FRMPD4: variants seen among roughly 807,000 people sequenced by gnomAD.
The protein encoded by FRMPD4 is FERM and PDZ domain containing 4, also known as FERM and PDZ domain-containing protein 4.
Under a neutral mutation model 94.1 loss-of-function variants are expected in FRMPD4, and 22 were observed. That is an observed-to-expected ratio of 0.23 (90% CI 0.17 to 0.33). The LOEUF (loss-of-function observed/expected upper bound fraction) is 0.33, where lower values mean the gene tolerates loss of function less well. Among genes scored for constraint, FRMPD4 ranks in the 10% least tolerant of loss-of-function variants. The pLI is 1.00. For missense variants in FRMPD4, 1,111 were observed against 1,339.9 expected (o/e 0.83, Z 2.67); for synonymous variants, 631 against 548.6 (o/e 1.15, Z -2.10).
At chrX:11,964,147 GC>G (rs900043019) in intron 3 of FRMPD4, among the ~76,000 whole-genome samples, 2 of 107,260 alleles carry the variant, frequency 1.9e-5, no homozygotes, top group African/African-American at 6.8e-5. Flanking sequence ...GGGATTCAGT[GC>G]TTTTTTTGTT....
intron 4 of FRMPD4, among the ~76,000 whole-genome samples, chrX:12,650,787 T>C (rs918955031): frequency 6.2e-5 from 7 of 112,983 alleles, no homozygotes; most frequent in African/African-American, 2.2e-4. Context: ...ATATATCTGT[T>C]GTCATTGAAA....
chrX:12,459,295 C>T (rs969515963), intron 1 of FRMPD4, among the ~76,000 whole-genome samples: 8 of 110,623 alleles, frequency 7.2e-5, no homozygotes, highest in South Asian at 3.9e-4. Flanking sequence ...ATTCATTGCC[C>T]ACCCCCACCA....
At chrX:12,178,536 T>C (rs2056321687) in intron 1 of FRMPD4, among the ~76,000 whole-genome samples, 1 of 111,745 alleles carries the variant, frequency 8.9e-6, no homozygotes, top group Non-Finnish European at 1.9e-5. Context: ...CTCCCCCTAA[T>C]TACTTTTGTG....
At chrX:12,418,764 T>C (rs1370285383) in intron 1 of FRMPD4, among the ~76,000 whole-genome samples, 1 of 111,981 alleles carries the variant, frequency 8.9e-6, no homozygotes, top group East Asian at 2.8e-4. Flanking sequence ...GACATAATCA[T>C]GTAACTGAAC....
At chrX:12,618,116 A>G (rs1040658718) in intron 4 of FRMPD4, among the ~76,000 whole-genome samples, 14 of 111,634 alleles carry the variant, frequency 1.3e-4, no homozygotes, top group Admixed American at 1.2e-3. Flanking sequence ...TGCCCTTTAC[A>G]AATTACCATA....
At chrX:12,278,737 A>C (rs932173916) in intron 1 of FRMPD4, among the ~76,000 whole-genome samples, 3 of 110,887 alleles carry the variant, frequency 2.7e-5, no homozygotes, top group African/African-American at 9.8e-5. Context: ...GGCTGGCCGG[A>C]AGTGGTGGGG....
intron 1 of FRMPD4, among the ~76,000 whole-genome samples, chrX:12,218,240 T>C (rs1021272444): frequency 2.7e-5 from 3 of 112,156 alleles, no homozygotes; most frequent in African/African-American, 9.7e-5. Flanking sequence ...ATAATGATAA[T>C]TGATTTAAAA....
chrX:11,830,311 A>G (rs973778294), intron 1 of FRMPD4, among the ~76,000 whole-genome samples: 1 of 112,224 alleles, frequency 8.9e-6, no homozygotes, highest in Admixed American at 9.4e-5. Context: ...TACCTATGAT[A>G]TTTTAACTTT....
intron 1 of FRMPD4, among the ~76,000 whole-genome samples, chrX:12,191,591 A>G (rs190335453): frequency 1.8e-5 from 2 of 112,220 alleles, no homozygotes; most frequent in African/African-American, 6.5e-5. Flanking sequence ...AACCATGAAT[A>G]GACATGGAAG....
chrX:12,027,009 A>T (rs2054665041), intron 3 of FRMPD4, among the ~76,000 whole-genome samples: 1 of 111,340 alleles, frequency 9.0e-6, no homozygotes, highest in Non-Finnish European at 1.9e-5. Context: ...TTTGCTCTAT[A>T]GCCTTCATAA....
chrX:12,129,970 C>T (rs942998257), intron 3 of FRMPD4, among the ~76,000 whole-genome samples: 1 of 111,452 alleles, frequency 9.0e-6, no homozygotes, highest in Middle Eastern at 4.6e-3. Flanking sequence ...CTTTATAGGT[C>T]TTTAAGCAAT....
chrX:11,836,743 G>A (rs1055423779), intron 1 of FRMPD4, among the ~76,000 whole-genome samples: 7 of 111,741 alleles, frequency 6.3e-5, no homozygotes, highest in Admixed American at 3.8e-4. Flanking sequence ...TATGCCTGGG[G>A]TGCTATAGGA....
In FRMPD4 at chrX:11,910,979, T is replaced by A. The variant is rs1314186889; in HGVS notation, c.95+32961T>A. ...TCTTCCAAGAATCCCTTTAGAGAGA[T>A]TGTCTATTCTCCTTAAGTGTCATAA... On this transcript the variant is annotated intron_variant, in intron 3 of 18. Transcript: ENST00000640291. Among the ~76,000 whole-genome samples, 3 of 110,440 alleles carry A rather than the reference T, an allele frequency of 2.7e-5. No individual in the cohort carries two copies. In the East Asian group the frequency reaches 8.5e-4, roughly 31 times the overall value.
chrX:12,315,592 A>G (rs780416881), intron 1 of FRMPD4, among the ~76,000 whole-genome samples: 7 of 112,069 alleles, frequency 6.2e-5, no homozygotes, highest in Non-Finnish European at 1.3e-4. Flanking sequence ...GGATAAAAAA[A>G]TATGCAGATT....
chrX:12,451,727 TATGCCC>T (rs1451100470), intron 1 of FRMPD4, among the ~76,000 whole-genome samples: 2 of 77,518 alleles, frequency 2.6e-5, no homozygotes, highest in East Asian at 8.9e-4. Flanking sequence ...GATATGTGTG[TATGCCC>T]GTGTGTGTGT....
chrX:12,688,632 A>G (rs781554672), intron 7 of FRMPD4, among the ~76,000 whole-genome samples: 1 of 112,046 alleles, frequency 8.9e-6, no homozygotes, highest in African/African-American at 3.2e-5. Flanking sequence ...TGATTTTCCA[A>G]TGTCCTCCCT....
At chrX:12,278,173 C>A (rs1344464880) in intron 1 of FRMPD4, among the ~76,000 whole-genome samples, 1 of 112,172 alleles carries the variant, frequency 8.9e-6, no homozygotes, top group Non-Finnish European at 1.9e-5. Flanking sequence ...GAAGTTCATA[C>A]CTTTTCTCAA....
At chrX:12,034,557 T>A in intron 3 of FRMPD4, among the ~76,000 whole-genome samples, 1 of 112,005 alleles carries the variant, frequency 8.9e-6, no homozygotes, top group Non-Finnish European at 1.9e-5. Context: ...TATATAACGC[T>A]TCTGCTCCAG....
intron 1 of FRMPD4, among the ~76,000 whole-genome samples, chrX:12,441,894 G>A (rs915368327): frequency 4.5e-5 from 5 of 111,433 alleles, no homozygotes; most frequent in Non-Finnish European, 9.4e-5. Flanking sequence ...AATTCTCATC[G>A]ATATAGTTTA....
Sources: gnomAD v4.1 joint callset for allele counts (sites outside exome capture counted in the v4.1 genomes callset) on GRCh38, gnomAD v4.1.1 for gene constraint, MANE v1.5 for transcripts, NCBI Gene and HGNC (gene_info 2026-07-23, HGNC 2026-07-21) for gene names.